Variants in CACNA1S observed in about 807,000 individuals in gnomAD.
CACNA1S encodes voltage-dependent L-type calcium channel subunit alpha-1S.
Under a neutral mutation model 207.4 loss-of-function variants are expected in CACNA1S, and 126 were observed. The ratio of observed to expected loss-of-function variants is 0.61; its 90% confidence interval spans 0.53 to 0.70. The LOEUF is 0.70. CACNA1S is among the 30% of genes least tolerant of loss of function. The pLI, the probability that CACNA1S is intolerant of heterozygous loss-of-function variation, is 0.00. For missense variants in CACNA1S, 2,349 were observed against 2,422.8 expected, an observed-to-expected ratio of 0.97 and a Z score of 0.64; for synonymous variants, 960 against 932.7, an observed-to-expected ratio of 1.03 and a Z score of -0.53.
chr1:201,054,614 G>T, intron 28 of CACNA1S, 53 bp from the exon 29 acceptor site: 2 of 1,468,716 alleles, frequency 1.4e-6, no homozygotes, highest in Non-Finnish European at 1.9e-6. Flanking sequence ...GAGGAGGAGG[G>T]ACATGTGGGA....
chr1:201,068,401 C>T (rs1661326503), intron 19 of CACNA1S, among the ~76,000 whole-genome samples: 1 of 150,780 alleles, frequency 6.6e-6, no homozygotes, highest in Non-Finnish European at 1.5e-5. Context: ...TGCCGCCATG[C>T]CTGCCTAATT....
chr1:201,065,779 A>G, intron 22 of CACNA1S, 59 bp downstream of exon 22: 2 of 1,124,228 alleles, frequency 1.8e-6, no homozygotes, highest in Non-Finnish European at 1.4e-6. Flanking sequence ...CTTGTGCTTG[A>G]GAGTGGGCAC....
intron 19 of CACNA1S, 151 bp from the exon 20 acceptor site, chr1:201,067,144 G>A (rs1661276169): frequency 4.3e-6 from 3 of 704,240 alleles, no homozygotes; most frequent in Non-Finnish European, 2.6e-6. Context: ...TCCTTGCAGT[G>A]GCCTAAATGC....
intron 2 of CACNA1S, among the ~76,000 whole-genome samples, 169 bp from the exon 3 acceptor site, chr1:201,094,190 C>T (rs2102167975): frequency 6.6e-6 from 1 of 152,124 alleles, no homozygotes; most frequent in South Asian, 2.1e-4. Context: ...CTACATGCCC[C>T]CACACTGCCA....
At chr1:201,065,062 G>A (rs1661192766) in intron 22 of CACNA1S, among the ~76,000 whole-genome samples, 1 of 152,218 alleles carries the variant, frequency 6.6e-6, no homozygotes, top group Non-Finnish European at 1.5e-5. Context: ...GGGAGGAGGG[G>A]CCTCCCTCCC....
At chr1:201,041,426 A>T in intron 41 of CACNA1S, 78 bp downstream of exon 41, 1 of 1,126,350 alleles carries the variant, frequency 8.9e-7, no homozygotes, top group South Asian at 1.3e-5. Flanking sequence ...AAGTTCCCAG[A>T]CTCTAAGAAA....
At chr1:201,063,721 G>GC (rs112748933) in intron 22 of CACNA1S, among the ~76,000 whole-genome samples, 6 of 152,290 alleles carry the variant, frequency 3.9e-5, no homozygotes, top group African/African-American at 1.4e-4. Flanking sequence ...GCTGGCCCTT[G>GC]CCCCCCGCTG....
At chr1:201,103,244 CAAAA>C (rs1176886702) in intron 2 of CACNA1S, among the ~76,000 whole-genome samples, 5 of 118,408 alleles carry the variant, frequency 4.2e-5, no homozygotes, top group Non-Finnish European at 1.8e-5. Context: ...GACTTGGTCT[CAAAA>C]AAAAAAAAAA....
intron 5 of CACNA1S, among the ~76,000 whole-genome samples, chr1:201,090,864 T>C (rs997970111): frequency 6.6e-6 from 1 of 152,186 alleles, no homozygotes; most frequent in South Asian, 2.1e-4. Context: ...AAGTGTAAAA[T>C]AGCGTCACCA....
At chr1:201,079,570 T>C (rs1205993776) in intron 10 of CACNA1S, among the ~76,000 whole-genome samples, 2 of 82,534 alleles carry the variant, frequency 2.4e-5, no homozygotes, top group Non-Finnish European at 4.4e-5. Flanking sequence ...TCCACTTTCT[T>C]TCTGTGTCCT....
At chr1:201,104,210 T>A (rs1460128062) in intron 2 of CACNA1S, among the ~76,000 whole-genome samples, 1 of 152,186 alleles carries the variant, frequency 6.6e-6, no homozygotes, top group Non-Finnish European at 1.5e-5. Context: ...GGATACTTCT[T>A]TGTTGGTGGG....
Position 201,053,144 on chromosome 1 carries a change from TC to T in CACNA1S, c.3861+64del. The stretch of plus-strand genomic sequence containing the variant: ...CGTGTGCTGCTCAGGCTCCTCAGGG[TC>T]CACTGATGCCCCCTCTAACTTGGCC... On this transcript the variant is annotated intron_variant, in intron 31 of 43. Coordinates refer to ENST00000362061, the MANE Select transcript of CACNA1S (RefSeq NM_000069.3). This position sits in a 1 kb window ranked among gnomAD's most constrained non-coding sequence, Gnocchi z 5.1. The T allele has an allele frequency of 6.4e-7, 1 of 1,559,912 alleles. No individual in the cohort carries two copies. Among genetic ancestry groups the T allele is most frequent in the Non-Finnish European group, 8.8e-7 (1 of 1,130,734 alleles).
At chr1:201,059,401 C>T in intron 26 of CACNA1S, 102 bp from the exon 27 acceptor site, 1 of 706,758 alleles carries the variant, frequency 1.4e-6, no homozygotes, top group Non-Finnish European at 2.5e-6. Flanking sequence ...AGCCCCCAAC[C>T]CTTTCTTGGG....
intron 7 of CACNA1S, among the ~76,000 whole-genome samples, chr1:201,086,113 C>G (rs1177673670): frequency 6.6e-6 from 1 of 152,232 alleles, no homozygotes; most frequent in Non-Finnish European, 1.5e-5. Flanking sequence ...TGGGCTATGA[C>G]CACCTGCCCC....
chr1:201,105,866 G>A (rs60009922), intron 2 of CACNA1S, among the ~76,000 whole-genome samples: 13,252 of 152,124 alleles, frequency 0.087, 1,609 homozygotes, highest in African/African-American at 0.27. Flanking sequence ...CACACCCCCG[G>A]CCCTGCTCGC....
chr1:201,061,612 C>T (rs979640922), intron 24 of CACNA1S, 144 bp from the exon 25 acceptor site: 8 of 799,286 alleles, frequency 1.0e-5, no homozygotes, highest in East Asian at 2.6e-5. Context: ...GGAGTTAGGT[C>T]GGCGCCAGGA....
intron 2 of CACNA1S, among the ~76,000 whole-genome samples, chr1:201,108,632 C>T (rs745604841): frequency 6.6e-6 from 1 of 152,180 alleles, no homozygotes; most frequent in Non-Finnish European, 1.5e-5. Context: ...CATTTAATCC[C>T]ACTCTCCTTC....
At chr1:201,104,713 G>T (rs970117476) in intron 2 of CACNA1S, among the ~76,000 whole-genome samples, 5 of 152,208 alleles carry the variant, frequency 3.3e-5, no homozygotes, top group Non-Finnish European at 7.3e-5. Context: ...ATTGCTTTGA[G>T]GGTGAAATGA....
Position 201,078,007 on chromosome 1 carries a change from G to C in CACNA1S, c.1491C>G (p.Asn497Lys). ...GLRQYFMSIF[N>K]RFDCFVVCSG... ...TACACACCACGAAGCAGTCGAAGCG[G>C]TTGAAGATAGACATGAAGTACTGGC... Residue 497 changes from asparagine to lysine, a missense_variant, in exon 11 of 44, where the codon AAC (asparagine) becomes AAG (lysine). Transcript: ENST00000362061. The C allele has an allele frequency of 6.2e-7, 1 of 1,614,114 alleles. No homozygotes were observed. The highest frequency in any genetic ancestry group is 8.5e-7 in the Non-Finnish European group (1 of 1,179,984).
Sources: gnomAD v4.1 joint callset for allele counts (sites outside exome capture counted in the v4.1 genomes callset) on GRCh38, gnomAD v4.1.1 for gene constraint, Gnocchi (gnomAD v3.1) non-coding constraint, MANE v1.5 for transcripts, NCBI Gene and HGNC (gene_info 2026-07-23, HGNC 2026-07-21) for gene names.